Variants in PAMR1 observed in about 807,000 individuals in gnomAD.
PAMR1 encodes the protein peptidase domain containing associated with muscle regeneration 1.
Under a neutral mutation model 81.8 loss-of-function variants are expected in PAMR1, and 88 were observed. That is an observed-to-expected ratio of 1.08 (90% CI 0.91 to 1.28). The LOEUF (loss-of-function observed/expected upper bound fraction) is 1.28. Ranked by LOEUF, PAMR1 falls within the 50% of genes most tolerant of loss-of-function variation. The probability of loss-of-function intolerance (pLI) is 0.00; values close to 1 mark genes in which losing one functional copy is unlikely to be tolerated. For missense variants in PAMR1, 935 were observed against 919.7 expected, an observed-to-expected ratio of 1.02 and a Z score of -0.21; for synonymous variants, 336 against 345.3, an observed-to-expected ratio of 0.97 and a Z score of 0.30.
At chr11:35,528,103 G>A (rs1219286713), upstream of PAMR1, among the ~76,000 whole-genome samples, 1 of 151,992 alleles carries the variant, frequency 6.6e-6, no homozygotes, top group Non-Finnish European at 1.5e-5. Flanking sequence ...TCTAAGTGAT[G>A]AACCTGAAGG....
chr11:35,525,687 C>G (rs1851374747), upstream of PAMR1: 1 of 949,410 alleles, frequency 1.1e-6, no homozygotes, highest in African/African-American at 1.6e-5. Flanking sequence ...CGAGCCCCAG[C>G]TGAGCGGGAG....
chr11:35,488,647 T>C (rs1850557370), intron 3 of PAMR1, among the ~76,000 whole-genome samples: 1 of 151,522 alleles, frequency 6.6e-6, no homozygotes, highest in African/African-American at 2.4e-5. Context: ...TTTTTGTCCA[T>C]TTTTCACACT....
At chr11:35,504,490 G>A (rs558907056) in intron 1 of PAMR1, among the ~76,000 whole-genome samples, 2 of 152,100 alleles carry the variant, frequency 1.3e-5, no homozygotes, top group Non-Finnish European at 2.9e-5. Context: ...GAATTCAGCA[G>A]TGAAGCCATC....
chr11:35,460,347 T>G (rs1200337397), intron 6 of PAMR1, among the ~76,000 whole-genome samples: 2 of 152,086 alleles, frequency 1.3e-5, no homozygotes, highest in African/African-American at 4.8e-5. Context: ...TTTCTATACT[T>G]TAAGTTCTAG....
Position 35,432,851 on chromosome 11 carries a change from C to A in PAMR1, c.1668G>T (p.Leu556=), listed in dbSNP as rs202006133. ...IILHPNYDPI[L]LDADIAILKL... is the part of the protein sequence containing the mutation. ...TCAGGATGGCGATGTCAGCATCAAGCAGGATGGGGTCATAGTTGGGATGCA... is the reference window on the plus strand; with the variant it reads ...TCAGGATGGCGATGTCAGCATCAAGAAGGATGGGGTCATAGTTGGGATGCA... Residue 556 remains leucine (L), a synonymous_variant, in exon 11 of 11, where the codon CTG becomes CTT. Coordinates refer to ENST00000619888, the MANE Select transcript of PAMR1 (RefSeq NM_001001991.3). 20 of 1,598,466 alleles carry A rather than the reference C, an allele frequency of 1.3e-5. No homozygotes were observed. Among genetic ancestry groups the A allele is most frequent in the South Asian group, 1.1e-4 (10 of 90,494 alleles).
chr11:35,475,194 C>T (rs1850263927), intron 3 of PAMR1, among the ~76,000 whole-genome samples: 1 of 152,160 alleles, frequency 6.6e-6, no homozygotes, highest in African/African-American at 2.4e-5. Flanking sequence ...TACTCACTTT[C>T]CTCCACCATC....
chr11:35,490,260 C>A (rs1344684796), intron 3 of PAMR1, among the ~76,000 whole-genome samples: 2 of 152,178 alleles, frequency 1.3e-5, no homozygotes, highest in Non-Finnish European at 2.9e-5. Context: ...ACAATTCAAG[C>A]TGAGATTTGG....
At chr11:35,445,993 A>T (rs1294121841) in intron 6 of PAMR1, among the ~76,000 whole-genome samples, 2 of 152,196 alleles carry the variant, frequency 1.3e-5, no homozygotes, top group Non-Finnish European at 2.9e-5. Context: ...GCTATTAATT[A>T]CTACCTCGAT....
intron 3 of PAMR1, among the ~76,000 whole-genome samples, chr11:35,481,879 GTTGT>G (rs932043666): frequency 2.0e-4 from 30 of 152,228 alleles, no homozygotes; most frequent in African/African-American, 6.5e-4. Flanking sequence ...TTTTGATGGG[GTTGT>G]TTGTTTTTTT....
At chr11:35,478,999 A>G (rs1850333453) in intron 3 of PAMR1, among the ~76,000 whole-genome samples, 2 of 152,296 alleles carry the variant, frequency 1.3e-5, no homozygotes, top group South Asian at 2.1e-4. Context: ...TACAGAACTG[A>G]AAGGAAATCT....
intron 1 of PAMR1, among the ~76,000 whole-genome samples, chr11:35,521,851 T>C (rs963691271): frequency 1.3e-5 from 2 of 152,198 alleles, no homozygotes; most frequent in Admixed American, 6.5e-5. Flanking sequence ...TGTAGTTGTT[T>C]ATTTATTTAT....
chr11:35,491,817 G>T (rs939552970), intron 3 of PAMR1, among the ~76,000 whole-genome samples: 3 of 152,238 alleles, frequency 2.0e-5, no homozygotes, highest in Admixed American at 6.5e-5. Context: ...AGGAAGAGGA[G>T]ATTGAAGAGT....
At chr11:35,485,181 C>T (rs1451972531) in intron 3 of PAMR1, among the ~76,000 whole-genome samples, 4 of 152,148 alleles carry the variant, frequency 2.6e-5, no homozygotes, top group African/African-American at 9.6e-5. Context: ...TGAGGTGCAG[C>T]CTGCTTAACG....
intron 3 of PAMR1, among the ~76,000 whole-genome samples, chr11:35,481,768 C>T (rs952410583): frequency 7.9e-5 from 12 of 152,068 alleles, no homozygotes; most frequent in African/African-American, 2.2e-4. Context: ...AGTGATCCAT[C>T]GCCTCAGCCT....
intron 4 of PAMR1, 87 bp from the exon 5 acceptor site, chr11:35,470,905 C>T (rs772280101): frequency 7.8e-6 from 7 of 894,410 alleles, no homozygotes; most frequent in Non-Finnish European, 9.1e-6. Context: ...AGATGAGGAA[C>T]AGGCCTGAGG....
At chr11:35,489,222 G>A (rs1007636670) in intron 3 of PAMR1, among the ~76,000 whole-genome samples, 4 of 152,120 alleles carry the variant, frequency 2.6e-5, no homozygotes, top group Admixed American at 1.3e-4. Context: ...TCTTATAGAT[G>A]TCCAAATTCC....
rs149354945 is a variant in PAMR1, at chr11:35,432,638, C to T, written c.1881G>A (p.Ser627=). 2.2e-4 allele frequency: 349 copies of T among 1,613,892 alleles called. 1 individual carries two copies. The highest frequency in any genetic ancestry group is 1.0e-4 in the Admixed American group (6 of 59,992). The change falls in exon 11 of 11, where the codon TCG becomes TCA. Residue 627 remains serine (S), a synonymous_variant. Coordinates refer to ENST00000619888, the MANE Select transcript of PAMR1 (RefSeq NM_001001991.3). ...CCTCATGCTGCTCCTCACACAGCAG[C>T]GAGTCCACCACACTGACCACCCCAG... ...LRSGVVSVVD[S]LLCEEQHEDH...
At chr11:35,488,797 T>A (rs1237045486) in intron 3 of PAMR1, among the ~76,000 whole-genome samples, 2 of 148,754 alleles carry the variant, frequency 1.3e-5, no homozygotes, top group Non-Finnish European at 3.0e-5. Flanking sequence ...GGTCTCGAAC[T>A]TCTGGGCTCA....
chr11:35,516,543 A>G (rs574307951), intron 1 of PAMR1, among the ~76,000 whole-genome samples: 1 of 152,326 alleles, frequency 6.6e-6, no homozygotes, highest in African/African-American at 2.4e-5. Flanking sequence ...GGGCAGAGAG[A>G]GAAGGCACAC....
Sources: allele counts gnomAD v4.1 joint callset (sites outside exome capture counted in the v4.1 genomes callset), GRCh38; gene constraint gnomAD v4.1.1; transcripts MANE v1.5; gene names NCBI Gene and HGNC (gene_info 2026-07-23, HGNC 2026-07-21).